The following PDGFC variants were observed in gnomAD, a reference collection of about 807,000 sequenced individuals.
PDGFC encodes the protein platelet-derived growth factor C.
A neutral mutation model predicts 35.5 loss-of-function variants in PDGFC; 12 were observed. The observed-to-expected ratio is 0.34, with a 90% CI of 0.22 to 0.55. PDGFC has a LOEUF of 0.55. Ranked by LOEUF, PDGFC falls within the 20% of genes least tolerant of loss-of-function variation. The probability of loss-of-function intolerance (pLI) is 0.91; values close to 1 mark genes in which losing one functional copy is unlikely to be tolerated. For synonymous variants in PDGFC, 159 were observed against 148.8 expected (o/e 1.07, Z -0.50); for missense variants, 322 against 412.4 (o/e 0.78, Z 1.90).
chr4:156,787,661 A>G (rs187206900), intron 3 of PDGFC, among the ~76,000 whole-genome samples: 89 of 152,020 alleles, frequency 5.9e-4, no homozygotes, highest in Non-Finnish European at 9.6e-4. Context: ...AAAAAAGAAG[A>G]AGGAGGAGGA....
Position 156,851,306 on chromosome 4 carries a change from A to G in PDGFC, c.119-890T>C, listed in dbSNP as rs368112691. ...AATATTAAAATATAAAAAATGTTGC[A>G]GCACTTCTCAATGCATGAATACACA... On this transcript the variant is annotated intron_variant, in intron 1 of 5. Coordinates refer to ENST00000502773, the MANE Select transcript of PDGFC (RefSeq NM_016205.3). Among the ~76,000 whole-genome samples the G allele has an allele frequency of 9.6e-3, 1,460 of 152,318 alleles. 26 individuals are homozygous for G. Among genetic ancestry groups the G allele is most frequent in the South Asian group, 0.081 (389 of 4,818 alleles).
intron 2 of PDGFC, among the ~76,000 whole-genome samples, chr4:156,822,040 A>T (rs1164717156): frequency 1.3e-5 from 2 of 152,272 alleles, no homozygotes; most frequent in East Asian, 1.9e-4. Context: ...AAGACAGAGA[A>T]AAACAAAACC....
At chr4:156,789,196 T>C (rs1455003866) in intron 3 of PDGFC, among the ~76,000 whole-genome samples, 1 of 152,206 alleles carries the variant, frequency 6.6e-6, no homozygotes, top group Non-Finnish European at 1.5e-5. Flanking sequence ...GTTTTCCCTC[T>C]AATCAAATAC....
At chr4:156,866,193 G>A (rs1462178831) in intron 1 of PDGFC, among the ~76,000 whole-genome samples, 1 of 152,114 alleles carries the variant, frequency 6.6e-6, no homozygotes, top group African/African-American at 2.4e-5. Flanking sequence ...ACCCATGAGT[G>A]AGAACATGCA....
intron 3 of PDGFC, among the ~76,000 whole-genome samples, chr4:156,798,259 C>T (rs1007886040): frequency 5.3e-5 from 8 of 152,134 alleles, no homozygotes; most frequent in African/African-American, 1.9e-4. Flanking sequence ...CAGCTTTAGG[C>T]TAAACCTCAT....
chr4:156,843,612 A>G (rs1381905531), intron 2 of PDGFC, among the ~76,000 whole-genome samples: 1 of 152,176 alleles, frequency 6.6e-6, no homozygotes, highest in African/African-American at 2.4e-5. Flanking sequence ...CATATCTTAA[A>G]GAGGTACTGA....
chr4:156,945,240 C>A (rs893719463), intron 1 of PDGFC, among the ~76,000 whole-genome samples: 1 of 150,164 alleles, frequency 6.7e-6, no homozygotes, highest in African/African-American at 2.4e-5. Context: ...CTGCATATGT[C>A]ATAAATGCTA....
At chr4:156,922,207 T>A (rs940067058) in intron 1 of PDGFC, among the ~76,000 whole-genome samples, 21 of 152,100 alleles carry the variant, frequency 1.4e-4, no homozygotes, top group African/African-American at 4.8e-4. Context: ...TGTGTGTGTG[T>A]GTATATCTGG....
intron 5 of PDGFC, among the ~76,000 whole-genome samples, chr4:156,764,371 A>T (rs1434401585): frequency 6.6e-6 from 1 of 152,206 alleles, no homozygotes; most frequent in African/African-American, 2.4e-5. Context: ...TAACGTTTTT[A>T]CATACTTTAA....
chr4:156,886,582 CCTT>C (rs1730380825), intron 1 of PDGFC: 1 of 152,190 alleles, frequency 6.6e-6, no homozygotes, highest in East Asian at 1.9e-4. Flanking sequence ...CTGACCATGA[CCTT>C]CATGAAGGTC....
intron 3 of PDGFC, among the ~76,000 whole-genome samples, chr4:156,781,880 G>A (rs1285057949): frequency 1.3e-5 from 2 of 152,024 alleles, no homozygotes; most frequent in Non-Finnish European, 2.9e-5. Flanking sequence ...CATATTTAGG[G>A]ATTATCATAC....
chr4:156,915,524 G>T (rs529257155), intron 1 of PDGFC, among the ~76,000 whole-genome samples: 3 of 152,238 alleles, frequency 2.0e-5, no homozygotes, highest in African/African-American at 7.2e-5. Context: ...GGTGCGGGGG[G>T]GCAGGGTGCA....
At chr4:156,792,385 G>T (rs1731321268) in intron 3 of PDGFC, among the ~76,000 whole-genome samples, 1 of 151,910 alleles carries the variant, frequency 6.6e-6, no homozygotes, top group African/African-American at 2.4e-5. Flanking sequence ...ATTTGGAATT[G>T]AGTTAGAATG....
At chr4:156,951,253 C>T (rs1732073057) in intron 1 of PDGFC, among the ~76,000 whole-genome samples, 1 of 151,826 alleles carries the variant, frequency 6.6e-6, no homozygotes, top group Admixed American at 6.6e-5. Context: ...GTGATCACAA[C>T]AGTGTTTAAA....
chr4:156,852,899 C>T (rs898464371), intron 1 of PDGFC, among the ~76,000 whole-genome samples: 4 of 152,132 alleles, frequency 2.6e-5, no homozygotes, highest in Non-Finnish European at 5.9e-5. Context: ...ATGAACAACT[C>T]AGTTCTGAAA....
intron 1 of PDGFC, among the ~76,000 whole-genome samples, chr4:156,930,589 C>A (rs575997662): frequency 1.3e-5 from 2 of 152,264 alleles, no homozygotes; most frequent in African/African-American, 4.8e-5. Context: ...AGGTTTAGGC[C>A]GGGCGCAGCG....
chr4:156,817,819 G>A (rs1732135095), intron 2 of PDGFC, among the ~76,000 whole-genome samples: 1 of 151,992 alleles, frequency 6.6e-6, no homozygotes, highest in African/African-American at 2.4e-5. Context: ...GGCACTTTGG[G>A]AGGCCAAGGT....
At chr4:156,774,482 AG>A (rs1172632330) in intron 3 of PDGFC, 4 of 152,132 alleles carry the variant, frequency 2.6e-5, no homozygotes, top group Non-Finnish European at 5.9e-5. Flanking sequence ...TGGCTTGAAG[AG>A]CAGAAGCTGC....
At chr4:156,871,982 C>A (rs1729994473) in intron 1 of PDGFC, among the ~76,000 whole-genome samples, 1 of 151,512 alleles carries the variant, frequency 6.6e-6, no homozygotes, top group South Asian at 2.1e-4. Flanking sequence ...TATTGATTCC[C>A]AATAAAGCAA....
Sources: gnomAD v4.1 joint callset for allele counts (sites outside exome capture counted in the v4.1 genomes callset) on GRCh38, gnomAD v4.1.1 for gene constraint, MANE v1.5 for transcripts, NCBI Gene and HGNC (gene_info 2026-07-23, HGNC 2026-07-21) for gene names.